NXN: variants seen among roughly 807,000 people sequenced by gnomAD.
The protein encoded by NXN is nucleoredoxin 1.
A neutral mutation model predicts 48.6 loss-of-function variants in NXN; 16 were observed. The observed-to-expected ratio is 0.33, with a 90% CI of 0.22 to 0.50. The LOEUF (loss-of-function observed/expected upper bound fraction) is 0.50. NXN is among the 20% of genes least tolerant of loss of function. The probability of loss-of-function intolerance (pLI) is 0.98; values close to 1 mark genes in which losing one functional copy is unlikely to be tolerated. For missense variants in NXN, 492 were observed against 605.5 expected, an observed-to-expected ratio of 0.81 and a Z score of 1.97; for synonymous variants, 281 against 269.6, an observed-to-expected ratio of 1.04 and a Z score of -0.41.
rs540010584 is a variant in NXN at position 842,658 on chromosome 17, C to A, written c.361-16580G>T. On this transcript the variant is annotated intron_variant, in intron 1 of 7. Coordinates refer to ENST00000336868, the MANE Select transcript of NXN (RefSeq NM_022463.5). ...CCGTTCAGAAAGTGCACCTTCAGGG[C>A]AGGGTGCAGTGGCTCATGCCTGTAA... 84 of 708,542 alleles carry A rather than the reference C, an allele frequency of 1.2e-4. 1 individual carries two copies. In the South Asian group the frequency reaches 4.8e-3, roughly 40 times the overall value. 43.9% of individuals were successfully genotyped at this position (708,542 alleles called of 1,614,324 possible). A position where few individuals can be genotyped will look rare whatever the true frequency, so the allele number is the denominator to read the frequency against.
At position 932,340 on chromosome 17, in the gene NXN, T is replaced by C. The variant is rs1029309620; in HGVS notation, c.360+46979A>G. 1.3e-5 allele frequency among the ~76,000 whole-genome samples: 2 copies of C among 152,090 alleles called. No homozygotes were observed. Among genetic ancestry groups the C allele is most frequent in the Non-Finnish European group, 2.9e-5 (2 of 68,014 alleles). ...CGGCTTCCGGGTTGCCTGGGAACTGTTGCTAGAATTGCAAACTACTGGGCC... is the reference window on the plus strand; with the variant it reads ...CGGCTTCCGGGTTGCCTGGGAACTGCTGCTAGAATTGCAAACTACTGGGCC... On this transcript the variant is annotated intron_variant, in intron 1 of 7. Coordinates refer to ENST00000336868, the MANE Select transcript of NXN (RefSeq NM_022463.5). The surrounding 1 kb of genome is among the most constrained non-coding windows in gnomAD (Gnocchi z 4.1).
chr17:834,308 C>T (rs879274933), intron 1 of NXN, among the ~76,000 whole-genome samples: 4 of 152,188 alleles, frequency 2.6e-5, no homozygotes, highest in Admixed American at 2.0e-4. Context: ...AGTGACGGGG[C>T]AAGACCCTGT....
intron 1 of NXN, among the ~76,000 whole-genome samples, chr17:870,479 A>G (rs949326141): frequency 1.3e-5 from 2 of 152,140 alleles, no homozygotes; most frequent in Non-Finnish European, 2.9e-5. Flanking sequence ...TCAGTGGCTC[A>G]GGCCTGTAAT....
chr17:803,830 A>G (rs1346581118), intron 6 of NXN, 24 bp from the exon 7 acceptor site: 3 of 1,613,280 alleles, frequency 1.9e-6, no homozygotes, highest in Non-Finnish European at 2.5e-6. Flanking sequence ...GGGGGTAGAA[A>G]AAGACGGGGA....
intron 1 of NXN, among the ~76,000 whole-genome samples, chr17:893,484 GA>G (rs1479207422): frequency 1.3e-5 from 2 of 152,242 alleles, no homozygotes; most frequent in African/African-American, 2.4e-5. Context: ...CGTGACATAA[GA>G]AATGGAAAGA....
chr17:879,559 C>CT (rs1567845712), intron 1 of NXN, among the ~76,000 whole-genome samples: 2 of 151,918 alleles, frequency 1.3e-5, no homozygotes, highest in Admixed American at 1.3e-4. Flanking sequence ...AGTGCTGGGA[C>CT]TACAGGCATG....
chr17:826,198 G>T (rs1913089377), intron 1 of NXN, 120 bp from the exon 2 acceptor site: 5 of 766,552 alleles, frequency 6.5e-6, no homozygotes, highest in Non-Finnish European at 1.2e-5. Context: ...ACACAGAAAA[G>T]AATAATGGAT....
intron 1 of NXN, among the ~76,000 whole-genome samples, chr17:977,073 CT>C (rs1199611228): frequency 7.9e-5 from 12 of 152,124 alleles, no homozygotes; most frequent in African/African-American, 2.9e-4. Context: ...GCAATAATTC[CT>C]TTTAAAATCA....
intron 5 of NXN, 129 bp from the exon 6 acceptor site, chr17:805,376 C>T (rs1185864537): frequency 1.0e-6 from 1 of 998,126 alleles, no homozygotes; most frequent in African/African-American, 1.6e-5. Context: ...GGTACAGGCT[C>T]ACAATGAAGA....
intron 1 of NXN, among the ~76,000 whole-genome samples, chr17:863,459 G>A (rs554322564): frequency 1.1e-4 from 17 of 151,222 alleles, no homozygotes; most frequent in African/African-American, 2.9e-4. Context: ...GAGCCACCAC[G>A]CTCAGCCGTG....
intron 1 of NXN, among the ~76,000 whole-genome samples, chr17:882,543 G>A (rs2068296352): frequency 6.6e-6 from 1 of 152,036 alleles, no homozygotes; most frequent in African/African-American, 2.4e-5. Context: ...TCGGCTCACT[G>A]CAAGCTCCGC....
intron 1 of NXN, among the ~76,000 whole-genome samples, chr17:869,070 T>G (rs1299692874): frequency 2.6e-5 from 4 of 152,146 alleles, no homozygotes; most frequent in Non-Finnish European, 4.4e-5. Context: ...TACCCAAGCC[T>G]CCTGCCTTAT....
rs2144949357 is a variant in NXN, at chr17:920,560, T to C, written c.360+58759A>G. On this transcript the variant is annotated intron_variant, in intron 1 of 7. Coordinates refer to ENST00000336868, the MANE Select transcript of NXN (RefSeq NM_022463.5). This position sits in a 1 kb window ranked among gnomAD's most constrained non-coding sequence, Gnocchi z 4.6. ...CTCCCAGGCTCTCAACCCTCGACGC[T>C]CATCCAGGTTCATTCGCCATCCGTA... Among the ~76,000 whole-genome samples, 1 of 152,090 alleles carries C rather than the reference T, an allele frequency of 6.6e-6. No individual in the cohort carries two copies. Among genetic ancestry groups the C allele is most frequent in the Non-Finnish European group, 1.5e-5 (1 of 67,986 alleles).
chr17:819,878 GC>G (rs1337548723), intron 4 of NXN, among the ~76,000 whole-genome samples: 1 of 152,188 alleles, frequency 6.6e-6, no homozygotes, highest in African/African-American at 2.4e-5. Context: ...CACAGCCACT[GC>G]ATACCCGCGG....
At chr17:865,638 C>T (rs146883642) in intron 1 of NXN, among the ~76,000 whole-genome samples, 1 of 152,282 alleles carries the variant, frequency 6.6e-6, no homozygotes, top group East Asian at 1.9e-4. Flanking sequence ...TATTCTTTGG[C>T]TTAGCAATTC....
chr17:854,559 G>A (rs564494055), intron 1 of NXN, among the ~76,000 whole-genome samples: 1 of 151,698 alleles, frequency 6.6e-6, no homozygotes, highest in South Asian at 2.1e-4. Context: ...GGAGGCTGAG[G>A]CAGGAGAATG....
intron 1 of NXN, among the ~76,000 whole-genome samples, chr17:873,753 C>T (rs145227690): frequency 2.7e-4 from 41 of 152,226 alleles, no homozygotes; most frequent in Non-Finnish European, 4.9e-4. Flanking sequence ...AATATATCCT[C>T]CTACAGTTTA....
At chr17:813,060 T>C (rs1016424682) in intron 5 of NXN, among the ~76,000 whole-genome samples, 5 of 152,218 alleles carry the variant, frequency 3.3e-5, no homozygotes, top group Admixed American at 6.5e-5. Context: ...TGTGCGTGTG[T>C]TCACACACCT....
chr17:923,914 C>T (rs570147969), intron 1 of NXN, among the ~76,000 whole-genome samples: 10 of 152,072 alleles, frequency 6.6e-5, no homozygotes, highest in Admixed American at 1.3e-4. Context: ...AACGACAAAA[C>T]GACAGGTATA....
Sources: gnomAD v4.1 joint callset for allele counts (sites outside exome capture counted in the v4.1 genomes callset) on GRCh38, gnomAD v4.1.1 for gene constraint, Gnocchi (gnomAD v3.1) non-coding constraint, MANE v1.5 for transcripts, NCBI Gene and HGNC (gene_info 2026-07-23, HGNC 2026-07-21) for gene names.